RGS7BP: variants seen among roughly 807,000 people sequenced by gnomAD.
The protein encoded by RGS7BP is regulator of G protein signaling 7 binding protein.
Under a neutral mutation model 31.3 loss-of-function variants are expected in RGS7BP, and 9 were observed. That is an observed-to-expected ratio of 0.29 (90% CI 0.17 to 0.50). RGS7BP has a LOEUF of 0.50. Ranked by LOEUF, RGS7BP falls within the 20% of genes least tolerant of loss-of-function variation. RGS7BP has a pLI of 0.98. For missense variants in RGS7BP, 274 were observed against 322.0 expected (o/e 0.85, Z 1.14); for synonymous variants, 115 against 120.1 (o/e 0.96, Z 0.28).
intron 3 of RGS7BP, among the ~76,000 whole-genome samples, chr5:64,589,912 G>A (rs768164692): frequency 1.4e-4 from 20 of 143,692 alleles, no homozygotes; most frequent in Non-Finnish European, 2.0e-4. Flanking sequence ...GCAACAGAGC[G>A]AGACCCTGAC....
chr5:64,538,523 CTTTTCT>C (rs1741436891), intron 2 of RGS7BP, among the ~76,000 whole-genome samples: 2 of 27,482 alleles, frequency 7.3e-5, no homozygotes, highest in African/African-American at 3.7e-4. Flanking sequence ...TTTTCCTTTT[CTTTTCT>C]TTTTTTTTTT....
intron 1 of RGS7BP, among the ~76,000 whole-genome samples, chr5:64,507,451 G>A (rs1476096750): frequency 6.6e-6 from 1 of 152,168 alleles, no homozygotes; most frequent in Non-Finnish European, 1.5e-5. Flanking sequence ...TTCAGAAACT[G>A]AGTCTGAAAG....
intron 2 of RGS7BP, among the ~76,000 whole-genome samples, chr5:64,564,749 C>G (rs997001542): frequency 2.6e-5 from 4 of 152,038 alleles, no homozygotes; most frequent in African/African-American, 9.7e-5. Context: ...TGTAAGCCAG[C>G]ACTAGCAAAT....
intron 2 of RGS7BP, among the ~76,000 whole-genome samples, chr5:64,559,349 T>C (rs185121649): frequency 9.9e-4 from 151 of 152,300 alleles, no homozygotes; most frequent in African/African-American, 3.5e-3. Flanking sequence ...AGTGGTTGGA[T>C]GTTTACTGAC....
intron 2 of RGS7BP, among the ~76,000 whole-genome samples, chr5:64,538,413 A>G (rs760757914): frequency 3.4e-5 from 5 of 145,336 alleles, no homozygotes; most frequent in Non-Finnish European, 4.5e-5. Flanking sequence ...TGTTCCTACT[A>G]TTTTGTCTTT....
At chr5:64,563,253 C>G (rs1464046624) in intron 2 of RGS7BP, among the ~76,000 whole-genome samples, 1 of 152,042 alleles carries the variant, frequency 6.6e-6, no homozygotes, top group East Asian at 1.9e-4. Context: ...TGAGCCTGGA[C>G]AATCTGGTAT....
chr5:64,550,645 A>T (rs969606479), intron 2 of RGS7BP, among the ~76,000 whole-genome samples: 18 of 151,864 alleles, frequency 1.2e-4, no homozygotes, highest in Non-Finnish European at 2.1e-4. Context: ...TTTGTTACAT[A>T]TGTATACATG....
intron 2 of RGS7BP, among the ~76,000 whole-genome samples, chr5:64,512,049 A>G (rs935449825): frequency 3.9e-5 from 6 of 152,290 alleles, no homozygotes; most frequent in South Asian, 4.1e-4. Flanking sequence ...CATACAAGGT[A>G]GGAGTGGCCC....
chr5:64,559,364 C>T (rs924064799), intron 2 of RGS7BP, among the ~76,000 whole-genome samples: 1 of 152,114 alleles, frequency 6.6e-6, no homozygotes, highest in African/African-American at 2.4e-5. Flanking sequence ...ACTGACACTA[C>T]TCTTTTGGTT....
chr5:64,572,530 T>A lies in RGS7BP; in HGVS notation c.333-3244T>A, dbSNP rs193276009. Among the ~76,000 whole-genome samples, 208 of 152,274 alleles carry A rather than the reference T, an allele frequency of 1.4e-3. 1 individual carries two copies. The highest frequency in any genetic ancestry group is 4.7e-3 in the African/African-American group (197 of 41,574). On this transcript the variant is annotated intron_variant, in intron 2 of 5. Coordinates refer to ENST00000334025, the MANE Select transcript of RGS7BP (RefSeq NM_001029875.3). ...ATAAAAGATACCTTAGCTTTTCCAC[T>A]TTTCTTTAAATAGTTCCTTTCTTTC...
intron 2 of RGS7BP, among the ~76,000 whole-genome samples, chr5:64,544,633 A>G (rs1405366344): frequency 1.3e-5 from 2 of 151,970 alleles, no homozygotes; most frequent in Non-Finnish European, 2.9e-5. Flanking sequence ...TTGATCATGT[A>G]ACTGCACTCC....
intron 3 of RGS7BP, among the ~76,000 whole-genome samples, chr5:64,588,739 G>C (rs1294070981): frequency 1.3e-5 from 2 of 152,024 alleles, no homozygotes; most frequent in Non-Finnish European, 2.9e-5. Context: ...AGCCCAAAAT[G>C]GTGGACTGAA....
At position 64,538,093 on chromosome 5, in the gene RGS7BP, T is replaced by G. The variant is rs1044471172; in HGVS notation, c.332+30216T>G. ...CCTAAGAAGTATGCATTATTTTACC[T>G]ACTTAGTGGAAACCATATACATAGC... On this transcript the variant is annotated intron_variant, in intron 2 of 5. Transcript: ENST00000334025. Among the ~76,000 whole-genome samples, 11 of 152,324 alleles carry G rather than the reference T, an allele frequency of 7.2e-5. No homozygotes were observed. The South Asian group carries it at 2.3e-3, about 32-fold the overall frequency.
chr5:64,517,995 G>T (rs1049467427), intron 2 of RGS7BP, among the ~76,000 whole-genome samples: 1 of 152,096 alleles, frequency 6.6e-6, no homozygotes, highest in Non-Finnish European at 1.5e-5. Flanking sequence ...ATGAATAAAA[G>T]GTGGGAAGCA....
intron 2 of RGS7BP, among the ~76,000 whole-genome samples, chr5:64,551,262 A>AT (rs1561331804): frequency 4.1e-5 from 6 of 147,920 alleles, no homozygotes; most frequent in Middle Eastern, 3.4e-3. Context: ...TTTATTTTTT[A>AT]TTTTATTTTT....
chr5:64,518,406 A>G (rs1274734549), intron 2 of RGS7BP, among the ~76,000 whole-genome samples: 2 of 143,998 alleles, frequency 1.4e-5, no homozygotes, highest in Non-Finnish European at 3.0e-5. Flanking sequence ...CAAACAAAAG[A>G]GAGTATTTCA....
intron 5 of RGS7BP, among the ~76,000 whole-genome samples, chr5:64,604,010 G>A (rs923519048): frequency 2.6e-5 from 4 of 152,326 alleles, no homozygotes; most frequent in East Asian, 1.9e-4. Context: ...TTTCTGAAAA[G>A]AGAGGTGGCA....
intron 2 of RGS7BP, among the ~76,000 whole-genome samples, chr5:64,531,699 G>A (rs1383591058): frequency 6.6e-6 from 1 of 152,170 alleles, no homozygotes; most frequent in Non-Finnish European, 1.5e-5. Context: ...CTGGGAAAAT[G>A]AAGATAAAAA....
At chr5:64,597,860 A>G (rs1743115900) in intron 4 of RGS7BP, among the ~76,000 whole-genome samples, 1 of 152,164 alleles carries the variant, frequency 6.6e-6, no homozygotes, top group African/African-American at 2.4e-5. Flanking sequence ...TGTCAAAGTA[A>G]CAAAACTACA....
Sources: allele counts gnomAD v4.1 joint callset (sites outside exome capture counted in the v4.1 genomes callset), GRCh38; gene constraint gnomAD v4.1.1; transcripts MANE v1.5; gene names NCBI Gene and HGNC (gene_info 2026-07-23, HGNC 2026-07-21).